Variants in FBXL2 observed in about 807,000 individuals in gnomAD.
FBXL2 encodes the protein F-box and leucine rich repeat protein 2.
FBXL2 carries 38 observed loss-of-function variants against 69.2 expected under a neutral mutation model. That is an observed-to-expected ratio of 0.55 (90% CI 0.42 to 0.72). FBXL2 has a LOEUF of 0.72. Among genes scored for constraint, FBXL2 ranks in the 30% least tolerant of loss-of-function variants. FBXL2 has a pLI of 0.00. For synonymous variants in FBXL2, 192 were observed against 201.3 expected, an observed-to-expected ratio of 0.95 and a Z score of 0.39; for missense variants, 354 against 520.3, an observed-to-expected ratio of 0.68 and a Z score of 3.11.
At chr3:33,347,362 G>T (rs1275977048) in intron 2 of FBXL2, among the ~76,000 whole-genome samples, 2 of 152,116 alleles carry the variant, frequency 1.3e-5, no homozygotes, top group African/African-American at 4.8e-5. Context: ...TGTTGGATAT[G>T]TATGGATGAA....
At chr3:33,303,016 G>T (rs375902952) in intron 2 of FBXL2, 5 of 456,286 alleles carry the variant, frequency 1.1e-5, no homozygotes, top group Admixed American at 2.4e-5. Context: ...ACAGTAAAGG[G>T]CTCATTCCTG....
intron 2 of FBXL2, among the ~76,000 whole-genome samples, chr3:33,319,599 G>A (rs1297048283): frequency 6.6e-6 from 1 of 152,012 alleles, no homozygotes; most frequent in Non-Finnish European, 1.5e-5. Flanking sequence ...TGTGTTTGTT[G>A]GAACTTAAGT....
chr3:33,287,014 A>G (rs1441845423), intron 1 of FBXL2, among the ~76,000 whole-genome samples: 1 of 151,874 alleles, frequency 6.6e-6, no homozygotes, highest in African/African-American at 2.4e-5. Context: ...ACCCTGCACC[A>G]TGGGCTGCAC....
chr3:33,391,935 G>A (rs1210073947), downstream of FBXL2: 6 of 152,526 alleles, frequency 3.9e-5, no homozygotes, highest in Non-Finnish European at 7.3e-5. Context: ...GCCCTGATCC[G>A]CTCACCCTCA....
chr3:33,322,907 G>GT (rs1404125745), intron 2 of FBXL2, among the ~76,000 whole-genome samples: 3 of 152,244 alleles, frequency 2.0e-5, no homozygotes, highest in Non-Finnish European at 2.9e-5. Context: ...TCTGATTACT[G>GT]TTTTTTGTTC....
downstream of FBXL2, among the ~76,000 whole-genome samples, chr3:33,403,867 TC>T (rs201688804): frequency 0.011 from 1,678 of 152,344 alleles, 16 homozygotes; most frequent in Middle Eastern, 0.024. Context: ...ATCTGAGGAC[TC>T]AGTTTCAAGG....
upstream of FBXL2, chr3:33,277,186 A>T (rs774156375): frequency 5.4e-3 from 1,143 of 210,014 alleles, 3 homozygotes; most frequent in Non-Finnish European, 8.1e-3. Context: ...CGTTTTTTTT[A>T]AAAAAAAAAA....
At chr3:33,397,763 T>C (rs908858834) in intron 12 of FBXL2, 2 of 152,198 alleles carry the variant, frequency 1.3e-5, no homozygotes, top group Admixed American at 6.5e-5. Flanking sequence ...CTACTTACGA[T>C]GTCATTTACA....
intron 9 of FBXL2, among the ~76,000 whole-genome samples, chr3:33,374,986 A>AT (rs2042544382): frequency 6.6e-6 from 1 of 152,172 alleles, no homozygotes; most frequent in Non-Finnish European, 1.5e-5. Flanking sequence ...AAAAATCTAT[A>AT]TTTTGATGAC....
chr3:33,419,909 G>A, the FBXL2 span, among the ~76,000 whole-genome samples: 6 of 152,132 alleles, frequency 3.9e-5, no homozygotes, highest in African/African-American at 1.4e-4. Flanking sequence ...TGAGATGCTA[G>A]TCCTATTTTT....
chr3:33,387,332 T>A lies in FBXL2; in HGVS notation c.*1724T>A, dbSNP rs1159184037. 1 of 152,238 alleles carries A rather than the reference T, an allele frequency of 6.6e-6. No individual in the cohort carries two copies. The highest frequency in any genetic ancestry group is 1.5e-5 in the Non-Finnish European group (1 of 68,052). The allele number at this position is 152,238 out of a possible 1,614,324, so 9.4% of individuals were successfully genotyped here. ...AAAATTAACTTAAGGCTGGCCACGG[T>A]GGTTCATGCCTATAATCCCAGCACT... On this transcript the variant is annotated 3_prime_UTR_variant, in exon 15 of 15. Transcript: ENST00000484457.
intron 2 of FBXL2, among the ~76,000 whole-genome samples, chr3:33,316,084 G>A (rs1575167122): frequency 6.7e-6 from 1 of 150,172 alleles, no homozygotes; most frequent in South Asian, 2.1e-4. Context: ...TTTGAGACAG[G>A]GTCTTACTCT....
At chr3:33,346,856 G>C (rs2040478395) in intron 2 of FBXL2, among the ~76,000 whole-genome samples, 2 of 152,114 alleles carry the variant, frequency 1.3e-5, no homozygotes, top group African/African-American at 4.8e-5. Flanking sequence ...TACACAGTAA[G>C]CATATATATT....
intron 2 of FBXL2, among the ~76,000 whole-genome samples, chr3:33,335,113 T>TAAGAAG (rs201956322): frequency 3.3e-5 from 5 of 150,588 alleles, no homozygotes; most frequent in African/African-American, 1.2e-4. Context: ...ATAATAATAA[T>TAAGAAG]AATAATAAGA....
chr3:33,394,103 G>A (rs2043872951), intron 12 of FBXL2, among the ~76,000 whole-genome samples: 1 of 151,614 alleles, frequency 6.6e-6, no homozygotes, highest in African/African-American at 2.4e-5. Context: ...TGTAGCCTCT[G>A]CCTCCCAGGC....
chr3:33,406,433 C>T (rs1351724381), downstream of FBXL2, among the ~76,000 whole-genome samples: 1 of 152,140 alleles, frequency 6.6e-6, no homozygotes, highest in Non-Finnish European at 1.5e-5. Flanking sequence ...CAACATCCCC[C>T]TGCACATATA....
chr3:33,370,552 A>C (rs766639236), intron 5 of FBXL2, among the ~76,000 whole-genome samples: 2 of 151,316 alleles, frequency 1.3e-5, no homozygotes, highest in African/African-American at 2.4e-5. Flanking sequence ...CTTATGTTTT[A>C]TTCTCTGTAC....
At chr3:33,347,058 GTTCT>G (rs1490704084) in intron 2 of FBXL2, among the ~76,000 whole-genome samples, 2 of 152,096 alleles carry the variant, frequency 1.3e-5, no homozygotes, top group Non-Finnish European at 2.9e-5. Context: ...GGTCTTATTC[GTTCT>G]TTCTAACTAC....
At chr3:33,305,548 G>A (rs112929210) in intron 2 of FBXL2, among the ~76,000 whole-genome samples, 9 of 151,150 alleles carry the variant, frequency 6.0e-5, no homozygotes, top group African/African-American at 2.2e-4. Context: ...ATTTTTTTTT[G>A]AATTAATATA....
Sources: gnomAD v4.1 joint callset for allele counts (sites outside exome capture counted in the v4.1 genomes callset) on GRCh38, gnomAD v4.1.1 for gene constraint, MANE v1.5 for transcripts, NCBI Gene and HGNC (gene_info 2026-07-23, HGNC 2026-07-21) for gene names.